The following PTBP2 variants were observed in gnomAD, a reference collection of about 807,000 sequenced individuals.
The protein encoded by PTBP2 is polypyrimidine tract-binding protein 2.
A neutral mutation model predicts 61.4 loss-of-function variants in PTBP2; 13 were observed. That is an observed-to-expected ratio of 0.21 (90% confidence interval 0.14 to 0.34). The LOEUF is 0.34. PTBP2 is among the 10% of genes least tolerant of loss of function. The pLI is 1.00. For missense variants in PTBP2, 405 were observed against 642.6 expected, an observed-to-expected ratio of 0.63 and a Z score of 4.00; for synonymous variants, 215 against 218.5, an observed-to-expected ratio of 0.98 and a Z score of 0.14.
chr1:96,775,607 G>GT (rs1381555564), intron 5 of PTBP2, among the ~76,000 whole-genome samples: 1 of 151,998 alleles, frequency 6.6e-6, no homozygotes, highest in Non-Finnish European at 1.5e-5. Context: ...ATAATATACT[G>GT]TTTTTTATCT....
downstream of PTBP2, chr1:96,818,551 C>G (rs1662565565): frequency 6.6e-6 from 1 of 152,038 alleles, no homozygotes; most frequent in Admixed American, 6.6e-5. Flanking sequence ...GTCACCAGAC[C>G]AGTGGCAAAT....
At chr1:96,770,572 C>A in intron 4 of PTBP2, 136 bp from the exon 5 acceptor site, 1 of 824,626 alleles carries the variant, frequency 1.2e-6, no homozygotes. Flanking sequence ...ATTTCTAATT[C>A]TGCTTATCAG....
chr1:96,757,235 T>C (rs114370547), intron 3 of PTBP2, among the ~76,000 whole-genome samples: 15 of 152,244 alleles, frequency 9.9e-5, no homozygotes, highest in Non-Finnish European at 1.8e-4. Context: ...GGTAGAAATA[T>C]CAAGATGCAG....
At chr1:96,788,358 T>A (rs913530275) in intron 8 of PTBP2, among the ~76,000 whole-genome samples, 3 of 152,116 alleles carry the variant, frequency 2.0e-5, no homozygotes, top group African/African-American at 7.2e-5. Context: ...CCCAAAGTAT[T>A]CATTTGTAGG....
chr1:96,725,600 G>A (rs751816223), intron 2 of PTBP2, among the ~76,000 whole-genome samples: 2 of 151,962 alleles, frequency 1.3e-5, no homozygotes, highest in Admixed American at 6.6e-5. Flanking sequence ...AAAAAAAATT[G>A]CAAATCGTTT....
At chr1:96,736,053 T>C (rs555992957) in intron 2 of PTBP2, among the ~76,000 whole-genome samples, 1 of 152,342 alleles carries the variant, frequency 6.6e-6, no homozygotes, top group Non-Finnish European at 1.5e-5. Context: ...TGGAATAATA[T>C]TTTCAATGTG....
intron 8 of PTBP2, among the ~76,000 whole-genome samples, chr1:96,798,882 G>A (rs1660662890): frequency 6.6e-6 from 1 of 152,112 alleles, no homozygotes; most frequent in African/African-American, 2.4e-5. Context: ...TTTTAAAATA[G>A]CTAAAAATTA....
chr1:96,741,703 G>T (rs1208543240), intron 2 of PTBP2, among the ~76,000 whole-genome samples: 2 of 151,976 alleles, frequency 1.3e-5, no homozygotes, highest in African/African-American at 4.8e-5. Flanking sequence ...CTTACGTATA[G>T]GCTTGTGTAT....
intron 2 of PTBP2, among the ~76,000 whole-genome samples, chr1:96,729,703 A>G (rs1359902096): frequency 2.1e-5 from 3 of 145,376 alleles, no homozygotes; most frequent in Admixed American, 2.0e-4. Context: ...TGCTGAATGT[A>G]TTTGTGTAGA....
chr1:96,807,437 G>A (rs770431616), intron 11 of PTBP2, among the ~76,000 whole-genome samples: 7 of 152,122 alleles, frequency 4.6e-5, no homozygotes, highest in African/African-American at 1.4e-4. Flanking sequence ...CTTTAGTCAG[G>A]TTACACTTTA....
At chr1:96,774,594 T>C (rs273858) in intron 5 of PTBP2, among the ~76,000 whole-genome samples, 174 of 152,352 alleles carry the variant, frequency 1.1e-3, no homozygotes, top group African/African-American at 4.1e-3. Flanking sequence ...GTTCACACTT[T>C]TTAATTATCT....
At chr1:96,780,507 T>G (rs1312026420) in intron 7 of PTBP2, among the ~76,000 whole-genome samples, 1 of 152,120 alleles carries the variant, frequency 6.6e-6, no homozygotes. Flanking sequence ...GTAGAGTAGC[T>G]AAATGCTAGT....
intron 2 of PTBP2, among the ~76,000 whole-genome samples, chr1:96,724,441 A>G (rs1480349197): frequency 6.6e-6 from 1 of 151,498 alleles, no homozygotes; most frequent in Non-Finnish European, 1.5e-5. Context: ...TAGAAATGGC[A>G]TTTCACCCTG....
intron 8 of PTBP2, among the ~76,000 whole-genome samples, chr1:96,795,710 A>G (rs553504840): frequency 1.3e-5 from 2 of 152,316 alleles, no homozygotes; most frequent in East Asian, 3.9e-4. Context: ...TATAAACGTG[A>G]TAAGAAAGTA....
intron 3 of PTBP2, among the ~76,000 whole-genome samples, chr1:96,761,990 C>T (rs1033545636): frequency 5.9e-5 from 9 of 151,332 alleles, no homozygotes; most frequent in African/African-American, 1.9e-4. Context: ...GCACATCTTG[C>T]ACCGCCCTTA....
chr1:96,762,449 C>A (rs1656041077), intron 3 of PTBP2, among the ~76,000 whole-genome samples: 1 of 146,324 alleles, frequency 6.8e-6, no homozygotes, highest in African/African-American at 2.6e-5. Context: ...GGGGGGCTGA[C>A]CCCCCCACCT....
chr1:96,769,644 G>T (rs899702361), intron 3 of PTBP2, 59 bp from the exon 4 acceptor site: 2 of 1,229,942 alleles, frequency 1.6e-6, no homozygotes, highest in African/African-American at 1.6e-5. Context: ...ACACAAATAG[G>T]AAAATTCATA....
chr1:96,789,363 C>T (rs1659546319), intron 8 of PTBP2, among the ~76,000 whole-genome samples: 1 of 151,968 alleles, frequency 6.6e-6, no homozygotes, highest in South Asian at 2.1e-4. Flanking sequence ...AATATTGTTT[C>T]TCAAAATTTT....
intron 8 of PTBP2, among the ~76,000 whole-genome samples, chr1:96,797,881 C>T (rs747678545): frequency 1.3e-5 from 2 of 152,088 alleles, no homozygotes; most frequent in Non-Finnish European, 2.9e-5. Context: ...TTGGTTGAAT[C>T]GGAACCCAGA....
Sources: gnomAD v4.1 joint callset for allele counts (sites outside exome capture counted in the v4.1 genomes callset) on GRCh38, gnomAD v4.1.1 for gene constraint, MANE v1.5 for transcripts, NCBI Gene and HGNC (gene_info 2026-07-23, HGNC 2026-07-21) for gene names.